OTUD7A: variants seen among roughly 807,000 people sequenced by gnomAD.
OTUD7A encodes the protein OTU domain-containing protein 7A.
Under a neutral mutation model 65.7 loss-of-function variants are expected in OTUD7A, and 12 were observed. The ratio of observed to expected loss-of-function variants is 0.18; its 90% confidence interval spans 0.12 to 0.30. The LOEUF (loss-of-function observed/expected upper bound fraction) is 0.30. Ranked by LOEUF, OTUD7A falls within the 10% of genes least tolerant of loss-of-function variation. The probability of loss-of-function intolerance (pLI) is 1.00; values close to 1 mark genes in which losing one functional copy is unlikely to be tolerated. For synonymous variants in OTUD7A, 641 were observed against 586.3 expected, an observed-to-expected ratio of 1.09 and a Z score of -1.35; for missense variants, 1,148 against 1,304.8, an observed-to-expected ratio of 0.88 and a Z score of 1.85.
rs1009376533 is a variant in OTUD7A, at chr15:31,481,899, T to C, written c.*1395A>G. On this transcript the variant is annotated 3_prime_UTR_variant, in exon 13 of 13. Transcript: ENST00000307050. ...GCGCTTTCTCCTGTCCTAGGATTAT[T>C]AGAAGCTATTCTAAGGCTCTCACAG... 6.6e-6 allele frequency: 1 copy of C among 152,222 alleles called. No homozygotes were observed. Among genetic ancestry groups the C allele is most frequent in the African/African-American group, 2.4e-5 (1 of 41,448 alleles). 9.4% of individuals were successfully genotyped at this position (152,222 alleles called of 1,614,324 possible). A position where few individuals can be genotyped will look rare whatever the true frequency, so the allele number is the denominator to read the frequency against.
intron 1 of OTUD7A, among the ~76,000 whole-genome samples, chr15:31,736,536 G>A (rs1487331512): frequency 6.6e-6 from 1 of 152,106 alleles, no homozygotes; most frequent in East Asian, 1.9e-4. Flanking sequence ...CTGTAGAAAA[G>A]AATGACAGGG....
At chr15:31,792,176 C>G (rs1466958977) in intron 1 of OTUD7A, among the ~76,000 whole-genome samples, 1 of 152,176 alleles carries the variant, frequency 6.6e-6, no homozygotes, top group African/African-American at 2.4e-5. Context: ...CAAATCCCTC[C>G]ACCTCTTGTC....
intron 1 of OTUD7A, among the ~76,000 whole-genome samples, chr15:31,822,703 C>T (rs1896713254): frequency 1.3e-5 from 2 of 152,334 alleles, no homozygotes; most frequent in South Asian, 4.1e-4. Flanking sequence ...TAAGAGAGAT[C>T]AGCAATTGTA....
chr15:31,794,941 T>G (rs1895914336), intron 1 of OTUD7A, among the ~76,000 whole-genome samples: 1 of 152,262 alleles, frequency 6.6e-6, no homozygotes, highest in African/African-American at 2.4e-5. Flanking sequence ...TTTCCTTTGT[T>G]GTCCAGAGTT....
chr15:31,533,398 G>C (rs1887698410), intron 5 of OTUD7A, among the ~76,000 whole-genome samples: 1 of 151,998 alleles, frequency 6.6e-6, no homozygotes, highest in Admixed American at 6.5e-5. Context: ...ACCAAACTTG[G>C]CTAATTTTTG....
intron 8 of OTUD7A, among the ~76,000 whole-genome samples, chr15:31,505,647 A>G (rs1360525699): frequency 3.3e-5 from 5 of 152,128 alleles, no homozygotes; most frequent in Non-Finnish European, 7.4e-5. Flanking sequence ...ACTTTGTAAG[A>G]GTGGTAGAGA....
intron 1 of OTUD7A, among the ~76,000 whole-genome samples, chr15:31,778,815 C>T (rs71476570): frequency 0.03 from 4,618 of 152,282 alleles, 113 homozygotes; most frequent in Middle Eastern, 0.078. Context: ...TCTGCTCTTC[C>T]TTTCCCCGCT....
intron 3 of OTUD7A, among the ~76,000 whole-genome samples, chr15:31,647,123 G>C (rs148162801): frequency 1.3e-5 from 2 of 152,146 alleles, no homozygotes; most frequent in African/African-American, 4.8e-5. Context: ...ACTTGGAAGG[G>C]CAGCCAACGG....
intron 1 of OTUD7A, among the ~76,000 whole-genome samples, chr15:31,774,810 T>C (rs1429425265): frequency 1.3e-5 from 2 of 152,054 alleles, no homozygotes; most frequent in Non-Finnish European, 2.9e-5. Context: ...AGCAAAAGCT[T>C]ATAACACTTG....
chr15:31,772,863 C>T (rs948634717), intron 1 of OTUD7A, among the ~76,000 whole-genome samples: 9 of 152,070 alleles, frequency 5.9e-5, no homozygotes, highest in African/African-American at 2.2e-4. Context: ...ACCATTTTTA[C>T]CTGTTAATTT....
chr15:31,484,123 T>G lies in OTUD7A; in HGVS notation c.1973A>C (p.Glu658Ala), dbSNP rs528784908. ...CGTCAGGTAGTAGCCGATCATCTCC[T>G]CGTGGAACTGGTGCCGGTGGCTGGT... is the stretch of plus-strand genomic sequence containing the variant. ...LLTSHRHQFH[E>A]EMIGYYLTSA... is the part of the protein sequence containing the mutation. Residue 658 changes from glutamate (E) to alanine (A), a missense_variant, in exon 13 of 13, where the codon GAG becomes GCG. Transcript: ENST00000307050. This position sits in a 1 kb window ranked among gnomAD's most constrained non-coding sequence, Gnocchi z 4.5. The G allele has an allele frequency of 6.2e-7, 1 of 1,608,286 alleles. No individual in the cohort carries two copies. The highest frequency in any genetic ancestry group is 1.3e-5 in the African/African-American group (1 of 74,954).
chr15:31,509,172 T>A (rs2041634747), intron 8 of OTUD7A, among the ~76,000 whole-genome samples: 2 of 152,066 alleles, frequency 1.3e-5, no homozygotes, highest in Admixed American at 1.3e-4. Flanking sequence ...TTAAGAAAAA[T>A]TTATTGTGCT....
At chr15:31,868,148 G>A (rs1897928686) in intron 1 of OTUD7A, among the ~76,000 whole-genome samples, 2 of 152,188 alleles carry the variant, frequency 1.3e-5, no homozygotes, top group African/African-American at 4.8e-5. Flanking sequence ...TCTTAGAAAC[G>A]GAAGATGTGA....
chr15:31,760,406 C>T (rs908041111), intron 1 of OTUD7A, among the ~76,000 whole-genome samples: 3 of 152,194 alleles, frequency 2.0e-5, no homozygotes, highest in African/African-American at 4.8e-5. Flanking sequence ...TTTATAGCAA[C>T]AATCTTTGAA....
chr15:31,856,462 A>C (rs1448421067), intron 1 of OTUD7A, among the ~76,000 whole-genome samples: 1 of 152,242 alleles, frequency 6.6e-6, no homozygotes, highest in Non-Finnish European at 1.5e-5. Context: ...CGATTTTTAC[A>C]GAACAATGTA....
chr15:31,838,577 C>A (rs559822676), intron 1 of OTUD7A, among the ~76,000 whole-genome samples: 1 of 152,154 alleles, frequency 6.6e-6, no homozygotes, highest in Non-Finnish European at 1.5e-5. Context: ...TCTCAGGCTA[C>A]CCCCACTAAT....
intron 9 of OTUD7A, 91 bp from the exon 10 acceptor site, chr15:31,501,930 G>A: frequency 7.1e-7 from 1 of 1,403,274 alleles, no homozygotes; most frequent in East Asian, 2.3e-5. Context: ...ACTACCCCGG[G>A]GGGACTCCGT....
At chr15:31,669,192 G>A (rs577923998) in intron 1 of OTUD7A, among the ~76,000 whole-genome samples, 1 of 152,334 alleles carries the variant, frequency 6.6e-6, no homozygotes, top group Non-Finnish European at 1.5e-5. Flanking sequence ...AGAACCAGTG[G>A]TGGGTGGGGC....
At chr15:31,637,017 G>A (rs1566954706) in intron 3 of OTUD7A, among the ~76,000 whole-genome samples, 1 of 152,202 alleles carries the variant, frequency 6.6e-6, no homozygotes, top group Non-Finnish European at 1.5e-5. Flanking sequence ...GGCAAGTGCT[G>A]ATGGAGAAGC....
Sources: gnomAD v4.1 joint callset for allele counts (sites outside exome capture counted in the v4.1 genomes callset) on GRCh38, gnomAD v4.1.1 for gene constraint, Gnocchi (gnomAD v3.1) non-coding constraint, MANE v1.5 for transcripts, NCBI Gene and HGNC (gene_info 2026-07-23, HGNC 2026-07-21) for gene names.